Variants in GNG7 observed in about 807,000 individuals in gnomAD.
The protein encoded by GNG7 is guanine nucleotide-binding protein G(I)/G(S)/G(O) subunit gamma-7.
A neutral mutation model predicts 4.0 loss-of-function variants in GNG7; 1 was observed. The ratio of observed to expected loss-of-function variants is 0.25; its 90% CI spans 0.09 to 1.18. The LOEUF (loss-of-function observed/expected upper bound fraction) is 1.18, where lower values mean the gene tolerates loss of function less well. Among genes scored for constraint, GNG7 ranks in the 50% most tolerant of loss-of-function variants. GNG7 has a pLI of 0.50. For missense variants in GNG7, 86 were observed against 91.9 expected (o/e 0.94, Z 0.26); for synonymous variants, 34 against 36.9 (o/e 0.92, Z 0.29).
At chr19:2,596,486 G>A (rs1981024765) in intron 2 of GNG7, among the ~76,000 whole-genome samples, 1 of 152,044 alleles carries the variant, frequency 6.6e-6, no homozygotes, top group African/African-American at 2.4e-5. Context: ...GGGTAACATA[G>A]TGAGACCCCG....
chr19:2,563,988 T>G (rs2144772268), intron 2 of GNG7, among the ~76,000 whole-genome samples: 3 of 150,224 alleles, frequency 2.0e-5, no homozygotes, highest in South Asian at 2.1e-4. Flanking sequence ...TTGGGTGGGG[T>G]GGGAGAAACA....
chr19:2,641,980 G>A lies in GNG7; in HGVS notation c.-78+4244C>T, dbSNP rs546050784. 3 of 152,290 alleles carry A rather than the reference G, an allele frequency of 2.0e-5. No individual in the cohort carries two copies. The East Asian group carries it at 5.8e-4, about 30-fold the overall frequency. 9.4% of individuals were successfully genotyped at this position (152,290 alleles called of 1,614,324 possible). ...GCGCCTGGCCCTACGTTAGACTTCTGAGCTTCAGCGCTGTCAGATAATAAC... is the reference window on the plus strand; with the variant it reads ...GCGCCTGGCCCTACGTTAGACTTCTAAGCTTCAGCGCTGTCAGATAATAAC... On this transcript the variant is annotated intron_variant, in intron 2 of 4. Transcript: ENST00000382159.
chr19:2,563,745 G>A (rs1320015217), intron 2 of GNG7, among the ~76,000 whole-genome samples: 2 of 152,120 alleles, frequency 1.3e-5, no homozygotes, highest in African/African-American at 4.8e-5. Context: ...GCCTCCCAAA[G>A]TGCTGGGATA....
intron 1 of GNG7, among the ~76,000 whole-genome samples, chr19:2,658,460 T>C (rs1026808175): frequency 1.3e-5 from 2 of 151,980 alleles, no homozygotes; most frequent in African/African-American, 4.8e-5. Flanking sequence ...AACCAAAATG[T>C]ACCCCCGTGT....
chr19:2,579,587 G>C (rs1295857397), intron 2 of GNG7, among the ~76,000 whole-genome samples: 1 of 152,210 alleles, frequency 6.6e-6, no homozygotes, highest in Non-Finnish European at 1.5e-5. Flanking sequence ...AGGAGGGCGA[G>C]GGGACGGCCG....
At chr19:2,689,622 C>CAAAAAAAAA (rs58020172) in intron 1 of GNG7, among the ~76,000 whole-genome samples, 1 of 37,952 alleles carries the variant, frequency 2.6e-5, no homozygotes, top group Non-Finnish European at 5.1e-5. Context: ...GACTCCAACT[C>CAAAAAAAAA]AAAAAAAAAA....
At position 2,513,574 on chromosome 19, in the gene GNG7, T is replaced by C; in HGVS notation, c.*1448A>G. ...TGCCGCTGGGAGGAGTGGCCCATCC[T>C]GCGTCTAAGGCATCTCCCGGCCTCA... On this transcript the variant is annotated 3_prime_UTR_variant, in exon 5 of 5. Transcript: ENST00000382159. The C allele has an allele frequency of 1.0e-6, 1 of 985,488 alleles. No homozygotes were observed. Among genetic ancestry groups the C allele is most frequent in the Non-Finnish European group, 1.2e-6 (1 of 829,990 alleles). 61.0% of individuals were successfully genotyped at this position (985,488 alleles called of 1,614,324 possible). A position where few individuals can be genotyped will look rare whatever the true frequency, so the allele number is the denominator to read the frequency against.
At chr19:2,622,035 G>C (rs1477272572) in intron 2 of GNG7, among the ~76,000 whole-genome samples, 2 of 151,738 alleles carry the variant, frequency 1.3e-5, no homozygotes, top group African/African-American at 4.8e-5. Flanking sequence ...ACGGAGGAGT[G>C]AGTTCGATTC....
intron 1 of GNG7, among the ~76,000 whole-genome samples, chr19:2,682,538 C>T (rs886886525): frequency 6.6e-6 from 1 of 151,120 alleles, no homozygotes; most frequent in Non-Finnish European, 1.5e-5. Flanking sequence ...TGGCACGCAC[C>T]TGTAGTCCCA....
chr19:2,554,179 A>G (rs1979474933), intron 3 of GNG7, among the ~76,000 whole-genome samples: 1 of 146,650 alleles, frequency 6.8e-6, no homozygotes, highest in Admixed American at 6.9e-5. Flanking sequence ...TATAATATAT[A>G]TATTTTTTTC....
At chr19:2,573,427 G>A (rs115818219) in intron 2 of GNG7, among the ~76,000 whole-genome samples, 8,766 of 152,116 alleles carry the variant, frequency 0.058, 330 homozygotes, top group East Asian at 0.16. Flanking sequence ...TTAGGGAAGC[G>A]GCTAGAAGAC....
intron 2 of GNG7, among the ~76,000 whole-genome samples, chr19:2,639,662 G>T (rs886644771): frequency 2.0e-4 from 2 of 9,892 alleles, no homozygotes; most frequent in African/African-American, 5.0e-3. Flanking sequence ...CCAAGGGGAG[G>T]GATTCAGGAA....
At chr19:2,693,805 G>A (rs958964424) in intron 1 of GNG7, among the ~76,000 whole-genome samples, 2 of 152,108 alleles carry the variant, frequency 1.3e-5, no homozygotes, top group Non-Finnish European at 2.9e-5. Context: ...ACATGAGACA[G>A]AGACAGCACC....
Position 2,546,705 on chromosome 19 carries a change from A to G in GNG7, c.-38+8444T>C, listed in dbSNP as rs1399307459. Reference sequence around the variant, plus strand: ...TTGTTCAGACAAAGAGGCCGCGACGACAGAGGGTGACGCGCCGCCAGTGTG... The same window carrying G: ...TTGTTCAGACAAAGAGGCCGCGACGGCAGAGGGTGACGCGCCGCCAGTGTG... On this transcript the variant is annotated intron_variant, in intron 3 of 4. Coordinates refer to ENST00000382159, the MANE Select transcript of GNG7 (RefSeq NM_052847.3). This position sits in a 1 kb window ranked among gnomAD's most constrained non-coding sequence, Gnocchi z 6.3. 1.3e-5 allele frequency among the ~76,000 whole-genome samples: 2 copies of G among 152,178 alleles called. No individual in the cohort carries two copies. Among genetic ancestry groups the G allele is most frequent in the East Asian group, 3.9e-4 (2 of 5,188 alleles).
chr19:2,658,524 C>G (rs923964263), intron 1 of GNG7, among the ~76,000 whole-genome samples: 5 of 152,070 alleles, frequency 3.3e-5, no homozygotes, highest in African/African-American at 1.2e-4. Flanking sequence ...AAGTGACCAC[C>G]GAGAGATGAA....
intron 2 of GNG7, among the ~76,000 whole-genome samples, chr19:2,576,589 C>A (rs1213667681): frequency 6.6e-6 from 1 of 152,132 alleles, no homozygotes; most frequent in Non-Finnish European, 1.5e-5. Flanking sequence ...GCTTCACTGC[C>A]CAGGCTGAGT....
chr19:2,522,280 A>G (rs1290956334), intron 3 of GNG7, among the ~76,000 whole-genome samples: 1 of 151,798 alleles, frequency 6.6e-6, no homozygotes, highest in Non-Finnish European at 1.5e-5. Flanking sequence ...GTTGGTGCTG[A>G]TGGGGGTGGC....
chr19:2,658,781 C>T (rs1983061965), intron 1 of GNG7, among the ~76,000 whole-genome samples: 1 of 152,134 alleles, frequency 6.6e-6, no homozygotes, highest in South Asian at 2.1e-4. Flanking sequence ...TTAGTTGTAA[C>T]AAATGTAGCA....
At chr19:2,571,393 C>A (rs901098821) in intron 2 of GNG7, among the ~76,000 whole-genome samples, 1 of 152,156 alleles carries the variant, frequency 6.6e-6, no homozygotes, top group Middle Eastern at 3.4e-3. Context: ...CTACCTATAT[C>A]CTTATCCTTG....
Sources: gnomAD v4.1 joint callset for allele counts (sites outside exome capture counted in the v4.1 genomes callset) on GRCh38, gnomAD v4.1.1 for gene constraint, Gnocchi (gnomAD v3.1) non-coding constraint, MANE v1.5 for transcripts, NCBI Gene and HGNC (gene_info 2026-07-23, HGNC 2026-07-21) for gene names.